OPA1: variants seen among roughly 807,000 people sequenced by gnomAD.
The protein encoded by OPA1 is dynamin-like GTPase OPA1, mitochondrial.
Under a neutral mutation model 152.9 loss-of-function variants are expected in OPA1, and 59 were observed. That is an observed-to-expected ratio of 0.39 (90% CI 0.31 to 0.48). The LOEUF is 0.48. OPA1 is among the 20% of genes least tolerant of loss of function. The pLI, the probability that OPA1 is intolerant of heterozygous loss-of-function variation, is 0.96. For synonymous variants in OPA1, 400 were observed against 389.9 expected, an observed-to-expected ratio of 1.03 and a Z score of -0.31; for missense variants, 1,008 against 1,216.8, an observed-to-expected ratio of 0.83 and a Z score of 2.55.
At chr3:193,627,961 G>A (rs1731428163) in intron 7 of OPA1, among the ~76,000 whole-genome samples, 1 of 152,158 alleles carries the variant, frequency 6.6e-6, no homozygotes, top group African/African-American at 2.4e-5. Context: ...AAGTAAATGG[G>A]ACTTTAAAAG....
chr3:193,617,918 C>A (rs773319365), intron 5 of OPA1, 81 bp downstream of exon 5: 3 of 965,258 alleles, frequency 3.1e-6, no homozygotes, highest in Admixed American at 3.6e-5. Flanking sequence ...AAATTGCAGA[C>A]CAAATTTATA....
At chr3:193,682,050 AT>A (rs1330168660) in intron 29 of OPA1, among the ~76,000 whole-genome samples, 1 of 152,226 alleles carries the variant, frequency 6.6e-6, no homozygotes, top group African/African-American at 2.4e-5. Flanking sequence ...AAAATGGGCT[AT>A]TAGCCAAATT....
At chr3:193,598,237 A>C (rs199964502) in intron 1 of OPA1, among the ~76,000 whole-genome samples, 1 of 152,164 alleles carries the variant, frequency 6.6e-6, no homozygotes, top group East Asian at 1.9e-4. Flanking sequence ...GAAGAAGAGG[A>C]TTGGTGGAGA....
chr3:193,689,699 C>A (rs1402984369), intron 29 of OPA1, among the ~76,000 whole-genome samples: 1 of 152,104 alleles, frequency 6.6e-6, no homozygotes, highest in African/African-American at 2.4e-5. Flanking sequence ...ATGGGGGTCA[C>A]CAGTAGGCCA....
chr3:193,629,997 C>G (rs1731821294), intron 7 of OPA1, among the ~76,000 whole-genome samples: 1 of 152,168 alleles, frequency 6.6e-6, no homozygotes, highest in African/African-American at 2.4e-5. Context: ...CAAAGTAAAT[C>G]AAAGTACCTT....
chr3:193,647,324 G>T (rs1734813965), intron 19 of OPA1, 144 bp downstream of exon 19: 1 of 661,048 alleles, frequency 1.5e-6, no homozygotes, highest in Non-Finnish European at 2.7e-6. Flanking sequence ...GAAAATAGAA[G>T]AATACAAACC....
intron 22 of OPA1, 139 bp from the exon 23 acceptor site, chr3:193,656,941 G>A: frequency 1.3e-6 from 1 of 759,246 alleles, no homozygotes; most frequent in Non-Finnish European, 2.1e-6. Context: ...TTGCCTTTTT[G>A]TTAATGTAGT....
At chr3:193,634,865 A>T (rs1732704176) in intron 8 of OPA1, among the ~76,000 whole-genome samples, 1 of 152,118 alleles carries the variant, frequency 6.6e-6, no homozygotes, top group South Asian at 2.1e-4. Context: ...CTTTATTCCT[A>T]GTCTGTGTAA....
chr3:193,663,824 A>G (rs1436297958), intron 26 of OPA1, among the ~76,000 whole-genome samples: 1 of 152,174 alleles, frequency 6.6e-6, no homozygotes, highest in African/African-American at 2.4e-5. Context: ...AGTTATATAC[A>G]TCTAGCATTA....
intron 1 of OPA1, among the ~76,000 whole-genome samples, chr3:193,610,073 T>C (rs1301582975): frequency 6.6e-6 from 1 of 152,254 alleles, no homozygotes; most frequent in Non-Finnish European, 1.5e-5. Flanking sequence ...GTTCCGTTGC[T>C]GGTGAGGAGC....
At chr3:193,683,409 GC>G (rs1258977270) in intron 29 of OPA1, among the ~76,000 whole-genome samples, 1 of 151,788 alleles carries the variant, frequency 6.6e-6, no homozygotes, top group African/African-American at 2.4e-5. Context: ...AGTAGATAAA[GC>G]AGCTGCAGGG....
At chr3:193,598,435 A>T (rs947885151) in intron 1 of OPA1, among the ~76,000 whole-genome samples, 1 of 152,006 alleles carries the variant, frequency 6.6e-6, no homozygotes, top group Non-Finnish European at 1.5e-5. Flanking sequence ...ATGAAGTAGG[A>T]TTGTTAAGTA....
chr3:193,663,042 T>C, intron 26 of OPA1, 80 bp downstream of exon 26: 2 of 1,442,702 alleles, frequency 1.4e-6, no homozygotes, highest in Non-Finnish European at 9.7e-7. Flanking sequence ...ATGTGTTAGT[T>C]AGATATTTAA....
At chr3:193,638,220 G>A (rs1179940989) in intron 11 of OPA1, among the ~76,000 whole-genome samples, 155 bp downstream of exon 11, 1 of 152,210 alleles carries the variant, frequency 6.6e-6, no homozygotes, top group African/African-American at 2.4e-5. Flanking sequence ...AGAAGGCACA[G>A]CCAGGAGGCC....
intron 29 of OPA1, chr3:193,668,655 G>C: frequency 6.7e-7 from 1 of 1,487,916 alleles, no homozygotes; most frequent in Non-Finnish European, 9.0e-7. Flanking sequence ...CCTCAGTACT[G>C]GACCAGGCTA....
At chr3:193,651,179 G>A (rs1712341242) in intron 21 of OPA1, among the ~76,000 whole-genome samples, 1 of 152,152 alleles carries the variant, frequency 6.6e-6, no homozygotes, top group African/African-American at 2.4e-5. Flanking sequence ...AGCAGTAGGG[G>A]GAGGGTGGTC....
At chr3:193,660,265 T>C (rs531039324) in intron 25 of OPA1, among the ~76,000 whole-genome samples, 14 of 152,312 alleles carry the variant, frequency 9.2e-5, no homozygotes, top group African/African-American at 3.1e-4. Flanking sequence ...CCGATTCTTA[T>C]AGCTTCTTTT....
In OPA1 at chr3:193,668,701, CA is replaced by C. The variant is rs1215068141; in HGVS notation, c.2983+1422del. 4 of 1,366,388 alleles carry C rather than the reference CA, an allele frequency of 2.9e-6. No homozygotes were observed. In the African/African-American group the frequency reaches 5.8e-5, roughly 20 times the overall value. 84.6% of individuals were successfully genotyped at this position (1,366,388 alleles called of 1,614,324 possible). ...CATGTGAACCCATTGTAACCCAGGTCAGGCATTAACACCTGCAGTAGGCTAC... is the reference window on the plus strand; with the variant it reads ...CATGTGAACCCATTGTAACCCAGGTCGGCATTAACACCTGCAGTAGGCTAC... On this transcript the variant is annotated intron_variant, in intron 29 of 30. Coordinates refer to ENST00000361510, the MANE Select transcript of OPA1 (RefSeq NM_130837.3).
At chr3:193,641,165 T>C (rs1174227553) in intron 11 of OPA1, among the ~76,000 whole-genome samples, 1 of 152,206 alleles carries the variant, frequency 6.6e-6, no homozygotes, top group Admixed American at 6.5e-5. Context: ...AGCATCCTAA[T>C]TGTAGAAGCT....
Sources: allele counts gnomAD v4.1 joint callset (sites outside exome capture counted in the v4.1 genomes callset), GRCh38; gene constraint gnomAD v4.1.1; transcripts MANE v1.5; gene names NCBI Gene and HGNC (gene_info 2026-07-23, HGNC 2026-07-21).